OXR1: variants seen among roughly 807,000 people sequenced by gnomAD.
The protein encoded by OXR1 is oxidation resistance 1, also known as oxidation resistance protein 1.
Under a neutral mutation model 104.6 loss-of-function variants are expected in OXR1, and 41 were observed. That is an observed-to-expected ratio of 0.39 (90% CI 0.31 to 0.51). The LOEUF is 0.51. Ranked by LOEUF, OXR1 falls within the 20% of genes least tolerant of loss-of-function variation. The pLI is 0.77. For synonymous variants in OXR1, 348 were observed against 348.4 expected, an observed-to-expected ratio of 1.00 and a Z score of 0.01; for missense variants, 955 against 1,031.9, an observed-to-expected ratio of 0.93 and a Z score of 1.02.
chr8:106,493,868 A>G (rs1463692981), intron 2 of OXR1, among the ~76,000 whole-genome samples: 1 of 152,124 alleles, frequency 6.6e-6, no homozygotes, highest in African/African-American at 2.4e-5. Context: ...AGCTAAAGGT[A>G]AGGACACACT....
intron 3 of OXR1, among the ~76,000 whole-genome samples, chr8:106,602,660 T>A (rs568879792): frequency 4.6e-5 from 7 of 152,334 alleles, no homozygotes; most frequent in African/African-American, 1.4e-4. Context: ...GTGAACTTCA[T>A]ATACATATGT....
intron 3 of OXR1, among the ~76,000 whole-genome samples, chr8:106,605,481 G>A (rs772787727): frequency 9.9e-5 from 15 of 152,040 alleles, no homozygotes; most frequent in Non-Finnish European, 2.1e-4. Flanking sequence ...TTAATGGTGA[G>A]AACAAAGGCA....
At chr8:106,391,043 C>T (rs546218524) in intron 2 of OXR1, among the ~76,000 whole-genome samples, 4 of 152,018 alleles carry the variant, frequency 2.6e-5, no homozygotes, top group Admixed American at 6.6e-5. Context: ...TTGTGGGGTT[C>T]GCCTTTAAAA....
intron 11 of OXR1, chr8:106,726,381 C>A: frequency 1.2e-6 from 1 of 828,674 alleles, no homozygotes; most frequent in Non-Finnish European, 1.8e-6. Flanking sequence ...AAAAATTATA[C>A]AATTTCTGAA....
rs565438186 is a variant in OXR1, at chr8:106,583,290, C to G, written c.220+64151C>G. 2.6e-5 allele frequency among the ~76,000 whole-genome samples: 4 copies of G among 152,248 alleles called. No individual in the cohort carries two copies. In the South Asian group the frequency reaches 8.3e-4, roughly 32 times the overall value. On this transcript the variant is annotated intron_variant, in intron 3 of 16. Coordinates refer to ENST00000517566, the MANE Select transcript of OXR1 (RefSeq NM_001198533.2). Reference sequence around the variant, plus strand: ...ATTAAACTTCTTTAAATACTTCAAGCTAAATTACAAATTTATATGATTTTT... The same window carrying G: ...ATTAAACTTCTTTAAATACTTCAAGGTAAATTACAAATTTATATGATTTTT...
intron 2 of OXR1, among the ~76,000 whole-genome samples, chr8:106,434,224 A>G (rs948971760): frequency 1.3e-5 from 2 of 152,210 alleles, no homozygotes; most frequent in Non-Finnish European, 2.9e-5. Context: ...GTGAGCATGT[A>G]TAGCAGTAAG....
chr8:106,423,051 T>G (rs115031023), intron 2 of OXR1, among the ~76,000 whole-genome samples: 2,434 of 152,260 alleles, frequency 0.016, 69 homozygotes, highest in African/African-American at 0.056. Context: ...CCCAGCCCAC[T>G]GGACCACAGC....
chr8:106,378,942 T>C (rs903820709), intron 2 of OXR1, among the ~76,000 whole-genome samples: 2 of 152,240 alleles, frequency 1.3e-5, no homozygotes, highest in African/African-American at 4.8e-5. Flanking sequence ...AATCAAGCAA[T>C]GCTTCTACTA....
At chr8:106,692,621 G>A (rs973157190) in intron 6 of OXR1, 107 bp from the exon 7 acceptor site, 5 of 597,292 alleles carry the variant, frequency 8.4e-6, no homozygotes, top group Non-Finnish European at 1.3e-5. Context: ...GCGGTGAAAT[G>A]AAACAACACT....
intron 3 of OXR1, among the ~76,000 whole-genome samples, chr8:106,577,378 CTTTTTTTTTTTTTTTT>C (rs5893798): frequency 2.3e-5 from 1 of 43,574 alleles, no homozygotes; most frequent in Non-Finnish European, 3.9e-5. Context: ...GCCCAGCTAA[CTTTTTTTTTTTTTTTT>C]TTTTTTTTTT....
Position 106,659,843 on chromosome 8 carries a change from A to G in OXR1, c.221-19367A>G, listed in dbSNP as rs144055096. ...ACTTATGTGTTTATATATGTGGAGC[A>G]CACAGCTATATCTGACACCCTCCTT... On this transcript the variant is annotated intron_variant, in intron 3 of 16. Coordinates refer to ENST00000517566, the MANE Select transcript of OXR1 (RefSeq NM_001198533.2). 4.1e-4 allele frequency among the ~76,000 whole-genome samples: 62 copies of G among 152,320 alleles called. No homozygotes were observed. The East Asian group carries it at 9.5e-3, about 23-fold the overall frequency.
chr8:106,480,553 C>T (rs1191219027), intron 2 of OXR1, among the ~76,000 whole-genome samples: 1 of 151,878 alleles, frequency 6.6e-6, no homozygotes, highest in Non-Finnish European at 1.5e-5. Context: ...TGAGTGATAG[C>T]TTTGCTTCAT....
chr8:106,393,537 A>G (rs1817662742), intron 2 of OXR1, among the ~76,000 whole-genome samples: 1 of 152,158 alleles, frequency 6.6e-6, no homozygotes, highest in Non-Finnish European at 1.5e-5. Flanking sequence ...AAAAAAACAT[A>G]TTATGTCTAA....
chr8:106,560,279 A>C lies in OXR1; in HGVS notation c.220+41140A>C, dbSNP rs142776841. On this transcript the variant is annotated intron_variant, in intron 3 of 16. Transcript: ENST00000517566. ...CCTGGATAATAAAGAGAGGTACTGC[A>C]GCTTGCTAAGGCAAGTTCAAGATAT... Among the ~76,000 whole-genome samples, 13 of 152,346 alleles carry C rather than the reference A, an allele frequency of 8.5e-5. No homozygotes were observed. In the East Asian group the frequency reaches 2.5e-3, roughly 29 times the overall value.
chr8:106,492,607 C>T (rs1811164845), intron 2 of OXR1, among the ~76,000 whole-genome samples: 1 of 152,110 alleles, frequency 6.6e-6, no homozygotes, highest in African/African-American at 2.4e-5. Context: ...TTACCATTCC[C>T]CCCTCCAGGC....
chr8:106,327,059 T>C (rs952410275), intron 1 of OXR1, among the ~76,000 whole-genome samples: 34 of 152,182 alleles, frequency 2.2e-4, no homozygotes, highest in African/African-American at 8.0e-4. Context: ...TTTTTGCCTA[T>C]AATTTCAGTA....
chr8:106,485,900 A>G (rs2129793551), intron 2 of OXR1, among the ~76,000 whole-genome samples: 1 of 151,906 alleles, frequency 6.6e-6, no homozygotes, highest in South Asian at 2.1e-4. Flanking sequence ...GTGGAACCTA[A>G]AAAAGTTGAT....
At chr8:106,744,337 T>G (rs1171135083) in intron 15 of OXR1, among the ~76,000 whole-genome samples, 1 of 152,218 alleles carries the variant, frequency 6.6e-6, no homozygotes, top group African/African-American at 2.4e-5. Context: ...CATTTTGAAC[T>G]TCAACTTTCC....
chr8:106,305,037 A>G (rs1434491304), intron 1 of OXR1, among the ~76,000 whole-genome samples: 1 of 152,136 alleles, frequency 6.6e-6, no homozygotes, highest in Non-Finnish European at 1.5e-5. Flanking sequence ...AATATTTTAT[A>G]AAGAAAAGAA....
Sources: gnomAD v4.1 joint callset for allele counts (sites outside exome capture counted in the v4.1 genomes callset) on GRCh38, gnomAD v4.1.1 for gene constraint, MANE v1.5 for transcripts, NCBI Gene and HGNC (gene_info 2026-07-23, HGNC 2026-07-21) for gene names.